DERA: variants seen among roughly 807,000 people sequenced by gnomAD.
DERA encodes deoxyribose-phosphate aldolase.
A neutral mutation model predicts 41.1 loss-of-function variants in DERA; 15 were observed. The observed-to-expected ratio is 0.37, with a 90% CI of 0.24 to 0.56. DERA has a LOEUF of 0.56. DERA is among the 20% of genes least tolerant of loss of function. The probability of loss-of-function intolerance (pLI) is 0.81; values close to 1 mark genes in which losing one functional copy is unlikely to be tolerated. For missense variants in DERA, 396 were observed against 403.4 expected, an observed-to-expected ratio of 0.98 and a Z score of 0.16; for synonymous variants, 139 against 137.4, an observed-to-expected ratio of 1.01 and a Z score of -0.08.
chr12:15,939,847 T>C (rs564816351), intron 1 of DERA, among the ~76,000 whole-genome samples: 11 of 152,322 alleles, frequency 7.2e-5, no homozygotes, highest in African/African-American at 2.4e-4. Context: ...TAATTTAATG[T>C]CACCTTTTTC....
At chr12:15,969,305 A>G (rs1311135462) in intron 5 of DERA, among the ~76,000 whole-genome samples, 1 of 152,078 alleles carries the variant, frequency 6.6e-6, no homozygotes, top group African/African-American at 2.4e-5. Context: ...GCATCTATTT[A>G]CCTAATATAT....
chr12:16,015,821 A>T (rs765919591), intron 6 of DERA, among the ~76,000 whole-genome samples: 25 of 152,172 alleles, frequency 1.6e-4, no homozygotes, highest in Non-Finnish European at 2.9e-4. Flanking sequence ...GTACAAATTG[A>T]TTATATGTGT....
At chr12:15,950,828 G>C (rs955053379) in intron 1 of DERA, among the ~76,000 whole-genome samples, 1 of 152,168 alleles carries the variant, frequency 6.6e-6, no homozygotes, top group African/African-American at 2.4e-5. Context: ...ATTAGGAAAG[G>C]CCTATGAGAA....
chr12:15,965,043 G>C lies in DERA; in HGVS notation c.508+2096G>C, dbSNP rs1948613193. Among the ~76,000 whole-genome samples, 1 of 152,154 alleles carries C rather than the reference G, an allele frequency of 6.6e-6. No homozygotes were observed. Among genetic ancestry groups the C allele is most frequent in the African/African-American group, 2.4e-5 (1 of 41,426 alleles). On this transcript the variant is annotated intron_variant, in intron 5 of 8. Transcript: ENST00000428559. The surrounding 1 kb of genome is among the most constrained non-coding windows in gnomAD (Gnocchi z 4.1). Reference sequence around the variant, plus strand: ...AATACTAGAAATTTAATTCTAAATAGAAACCTGAAATGACTTAGGACTTTT... The same window carrying C: ...AATACTAGAAATTTAATTCTAAATACAAACCTGAAATGACTTAGGACTTTT...
At chr12:15,963,338 A>G (rs1948601165) in intron 5 of DERA, among the ~76,000 whole-genome samples, 4 of 152,212 alleles carry the variant, frequency 2.6e-5, no homozygotes, top group Admixed American at 2.6e-4. Context: ...TTATTTGAAT[A>G]TATTGGAGGA....
At position 15,996,863 on chromosome 12, in the gene DERA, G is replaced by T. The variant is rs1948841618; in HGVS notation, c.637+14427G>T. Reference sequence around the variant, plus strand: ...AATGTTGAATGGTTTTGTGGATAGGGGAAATCTAGTAGATATTAAATATTT... The same window carrying T: ...AATGTTGAATGGTTTTGTGGATAGGTGAAATCTAGTAGATATTAAATATTT... On this transcript the variant is annotated intron_variant, in intron 6 of 8. Coordinates refer to ENST00000428559, the MANE Select transcript of DERA (RefSeq NM_015954.4). This position sits in a 1 kb window ranked among gnomAD's most constrained non-coding sequence, Gnocchi z 4.7. 6.6e-6 allele frequency among the ~76,000 whole-genome samples: 1 copy of T among 152,078 alleles called. No homozygotes were observed. Among genetic ancestry groups the T allele is most frequent in the African/African-American group, 2.4e-5 (1 of 41,386 alleles).
chr12:15,920,961 C>G (rs1251707498), intron 1 of DERA, among the ~76,000 whole-genome samples: 2 of 152,192 alleles, frequency 1.3e-5, no homozygotes, highest in African/African-American at 4.8e-5. Flanking sequence ...CAGAACCATG[C>G]AGTAAGCTGT....
In DERA at chr12:15,954,282, C is replaced by T. The variant is rs960167478; in HGVS notation, c.32-2654C>T. Among the ~76,000 whole-genome samples the T allele has an allele frequency of 1.3e-5, 2 of 152,118 alleles. No individual in the cohort carries two copies. The highest frequency in any genetic ancestry group is 4.8e-5 in the African/African-American group (2 of 41,432). ...AACCACTCGACTTATTTATCGTATG[C>T]CACCCGTGCGTCAGGTCCTTCGCTT... On this transcript the variant is annotated intron_variant, in intron 1 of 8. Coordinates refer to ENST00000428559, the MANE Select transcript of DERA (RefSeq NM_015954.4). The surrounding 1 kb of genome is among the most constrained non-coding windows in gnomAD (Gnocchi z 4.0).
At chr12:16,015,269 C>G (rs1948973443) in intron 6 of DERA, among the ~76,000 whole-genome samples, 1 of 152,122 alleles carries the variant, frequency 6.6e-6, no homozygotes, top group African/African-American at 2.4e-5. Flanking sequence ...GTATCCCCAC[C>G]CAAATCTCAT....
chr12:15,946,070 G>A (rs986844729), intron 1 of DERA, among the ~76,000 whole-genome samples: 1 of 152,136 alleles, frequency 6.6e-6, no homozygotes, highest in Non-Finnish European at 1.5e-5. Flanking sequence ...GCATCCCAGG[G>A]ATGAAGCCCA....
At position 15,972,234 on chromosome 12, in the gene DERA, A is replaced by G; in HGVS notation, c.508+9287A>G. The stretch of plus-strand genomic sequence containing the variant: ...TAACCTATTCCATTTTTAAGATAGC[A>G]AGCCACCATTGCCTTGGACCTCTCC... On this transcript the variant is annotated intron_variant, in intron 5 of 8. Transcript: ENST00000428559. This position sits in a 1 kb window ranked among gnomAD's most constrained non-coding sequence, Gnocchi z 4.4. 6.3e-6 allele frequency: 1 copy of G among 159,564 alleles called. No individual in the cohort carries two copies. The allele number at this position is 159,564 out of a possible 1,614,324, so 9.9% of individuals were successfully genotyped here.
chr12:15,923,078 A>T (rs1267829198), intron 1 of DERA, among the ~76,000 whole-genome samples: 2 of 128,580 alleles, frequency 1.6e-5, no homozygotes, highest in Non-Finnish European at 3.1e-5. Flanking sequence ...GCTGGAGTGC[A>T]GTGGCGCGAT....
rs1415935561 is a variant in DERA, at chr12:15,965,022, C to T, written c.508+2075C>T. Among the ~76,000 whole-genome samples the T allele has an allele frequency of 6.6e-6, 1 of 152,138 alleles. No homozygotes were observed. Among genetic ancestry groups the T allele is most frequent in the South Asian group, 2.1e-4 (1 of 4,836 alleles). On this transcript the variant is annotated intron_variant, in intron 5 of 8. Transcript: ENST00000428559. The surrounding 1 kb of genome is among the most constrained non-coding windows in gnomAD (Gnocchi z 4.1). The stretch of plus-strand genomic sequence containing the variant: ...ACAAATTGAAAAGGAACATTTAATA[C>T]TAGAAATTTAATTCTAAATAGAAAC...
rs185487655 is a variant in DERA at position 15,944,342 on chromosome 12, A to C, written c.32-12594A>C. 9.5e-4 allele frequency among the ~76,000 whole-genome samples: 145 copies of C among 152,198 alleles called. 2 individuals are homozygous for C. Among genetic ancestry groups the C allele is most frequent in the Admixed American group, 2.2e-3 (34 of 15,290 alleles). ...ATGGTTGAACTAGTTTACACTCCCAACAACAGTGTAAAAGTGTTCCTATTT... is the reference window on the plus strand; with the variant it reads ...ATGGTTGAACTAGTTTACACTCCCACCAACAGTGTAAAAGTGTTCCTATTT... On this transcript the variant is annotated intron_variant, in intron 1 of 8. Transcript: ENST00000428559.
In DERA at chr12:16,008,013, C is replaced by T. The variant is rs529003582; in HGVS notation, c.638-24529C>T. Among the ~76,000 whole-genome samples, 46 of 152,062 alleles carry T rather than the reference C, an allele frequency of 3.0e-4. No homozygotes were observed. The highest frequency in any genetic ancestry group is 1.2e-3 in the South Asian group (6 of 4,806). ...TTACAGGTGTGTGCCACTGTGTGCC[C>T]GGCTAATTTTTGTATTTTTAGTAGA... is the stretch of plus-strand genomic sequence containing the variant. On this transcript the variant is annotated intron_variant, in intron 6 of 8. Transcript: ENST00000428559. This position sits in a 1 kb window ranked among gnomAD's most constrained non-coding sequence, Gnocchi z 4.8.
At position 15,992,330 on chromosome 12, in the gene DERA, G is replaced by A. The variant is rs60561513; in HGVS notation, c.637+9894G>A. The stretch of plus-strand genomic sequence containing the variant: ...TAGAATTTGAACATGTTATTTTAGA[G>A]GGCAACTCTTATTTTAGTTGAACAA... On this transcript the variant is annotated intron_variant, in intron 6 of 8. Coordinates refer to ENST00000428559, the MANE Select transcript of DERA (RefSeq NM_015954.4). The surrounding 1 kb of genome is among the most constrained non-coding windows in gnomAD (Gnocchi z 4.3). 0.065 allele frequency among the ~76,000 whole-genome samples: 9,837 copies of A among 151,990 alleles called. 1,017 individuals carry two copies. Among genetic ancestry groups the A allele is most frequent in the African/African-American group, 0.22 (9,060 of 41,436 alleles).
Position 16,019,393 on chromosome 12 carries a change from AAAC to A in DERA, c.638-13147_638-13145del, listed in dbSNP as rs767223414. On this transcript the variant is annotated intron_variant, in intron 6 of 8. Coordinates refer to ENST00000428559, the MANE Select transcript of DERA (RefSeq NM_015954.4). This position sits in a 1 kb window ranked among gnomAD's most constrained non-coding sequence, Gnocchi z 4.4. ...TACAGACACTAAATTTAGCATCTTAAAACACTGATTTCATGTGATCAGACCTCA... is the reference window on the plus strand; with the variant it reads ...TACAGACACTAAATTTAGCATCTTAAACTGATTTCATGTGATCAGACCTCA... 1.3e-5 allele frequency among the ~76,000 whole-genome samples: 2 copies of A among 152,182 alleles called. No homozygotes were observed. The highest frequency in any genetic ancestry group is 2.9e-5 in the Non-Finnish European group (2 of 68,022).
rs1425859996 is a variant in DERA, at chr12:15,928,623, T to G, written c.31+17209T>G. Among the ~76,000 whole-genome samples the G allele has an allele frequency of 1.3e-5, 2 of 152,166 alleles. No individual in the cohort carries two copies. The highest frequency in any genetic ancestry group is 1.5e-5 in the Non-Finnish European group (1 of 68,034). The stretch of plus-strand genomic sequence containing the variant: ...TTTGCCTGTGGGTGTGTTGGACTCT[T>G]ATTGCATGCTTTTCCCACCCCCGAG... On this transcript the variant is annotated intron_variant, in intron 1 of 8. Transcript: ENST00000428559. This position sits in a 1 kb window ranked among gnomAD's most constrained non-coding sequence, Gnocchi z 4.6.
In DERA at chr12:15,911,360, G is replaced by A; in HGVS notation, c.-24G>A. 7.0e-7 allele frequency: 1 copy of A among 1,422,562 alleles called. No individual in the cohort carries two copies. Among genetic ancestry groups the A allele is most frequent in the Non-Finnish European group, 9.1e-7 (1 of 1,099,334 alleles). 88.1% of individuals were successfully genotyped at this position (1,422,562 alleles called of 1,614,324 possible). A position where few individuals can be genotyped will look rare whatever the true frequency, so the allele number is the denominator to read the frequency against. On this transcript the variant is annotated 5_prime_UTR_variant, in exon 1 of 9. Transcript: ENST00000428559. The surrounding 1 kb of genome is among the most constrained non-coding windows in gnomAD (Gnocchi z 4.5). Reference sequence around the variant, plus strand: ...GCGCAGAGGCGGGCGCCTACCAGCCGGCAGCTCCGGAGCTGCCCGCGCCAT... The same window carrying A: ...GCGCAGAGGCGGGCGCCTACCAGCCAGCAGCTCCGGAGCTGCCCGCGCCAT...
Sources: allele counts gnomAD v4.1 joint callset (sites outside exome capture counted in the v4.1 genomes callset), GRCh38; gene constraint gnomAD v4.1.1; non-coding constraint Gnocchi (gnomAD v3.1); transcripts MANE v1.5; gene names NCBI Gene and HGNC (gene_info 2026-07-23, HGNC 2026-07-21).